The following PTP4A1 variants were observed in gnomAD, a reference collection of about 807,000 sequenced individuals.
PTP4A1 encodes the protein protein tyrosine phosphatase 4A1, also known as protein tyrosine phosphatase type IVA 1.
In PTP4A1, 9 loss-of-function variants were observed where a neutral mutation model predicts 20.5. The observed-to-expected ratio is 0.44, with a 90% confidence interval of 0.26 to 0.77. The LOEUF (loss-of-function observed/expected upper bound fraction) is 0.77. PTP4A1 is among the 30% of genes least tolerant of loss of function. The pLI, the probability that PTP4A1 is intolerant of heterozygous loss-of-function variation, is 0.19. For missense variants in PTP4A1, 137 were observed against 218.8 expected, an observed-to-expected ratio of 0.63 and a Z score of 2.36; for synonymous variants, 78 against 67.4, an observed-to-expected ratio of 1.16 and a Z score of -0.77.
At chr6:63,561,000 C>T (rs1183169877) in intron 3 of PTP4A1, among the ~76,000 whole-genome samples, 1 of 152,116 alleles carries the variant, frequency 6.6e-6, no homozygotes, top group East Asian at 1.9e-4. Flanking sequence ...AATATAAGCC[C>T]AAATGCCAGT....
At chr6:63,538,976 T>G (rs1360063819) in intron 2 of PTP4A1, among the ~76,000 whole-genome samples, 2 of 152,138 alleles carry the variant, frequency 1.3e-5, no homozygotes, top group African/African-American at 4.8e-5. Flanking sequence ...CACTGTAACC[T>G]CCTCCTCTTT....
Position 63,547,498 on chromosome 6 carries a change from A to AT in PTP4A1, c.-639-2777dup, listed in dbSNP as rs752223359. Among the ~76,000 whole-genome samples the AT allele has an allele frequency of 4.2e-3, 382 of 90,798 alleles. 1 individual carries two copies. Among genetic ancestry groups the AT allele is most frequent in the Middle Eastern group, 0.011 (1 of 88 alleles). 59.6% of individuals were successfully genotyped at this position (90,798 alleles called of 152,430 possible). ...TGCCACCTCGCCCGGCCAGGGGGGA[A>AT]TTTTTTTTTTTTTTTTTTTTTTTTT... On this transcript the variant is annotated intron_variant, in intron 2 of 3. Transcript: ENST00000639568.
chr6:63,567,034 A>G (rs1397558342), intron 3 of PTP4A1, among the ~76,000 whole-genome samples: 1 of 151,996 alleles, frequency 6.6e-6, no homozygotes, highest in Non-Finnish European at 1.5e-5. Flanking sequence ...GATTTAGTCA[A>G]CTCTTCAGAC....
chr6:63,526,803 G>GTGTATATATATA (rs1324842070), intron 1 of PTP4A1, among the ~76,000 whole-genome samples: 1 of 101,448 alleles, frequency 9.9e-6, no homozygotes, highest in African/African-American at 4.4e-5. Flanking sequence ...TCTCAAAAAT[G>GTGTATATATATA]TATATATATA....
intron 2 of PTP4A1, among the ~76,000 whole-genome samples, chr6:63,534,765 T>A (rs565704830): frequency 6.7e-4 from 100 of 148,704 alleles, no homozygotes; most frequent in African/African-American, 2.5e-3. Flanking sequence ...CTGGCCAACA[T>A]GGTAAAATTT....
At chr6:63,553,978 T>C (rs894720068) in intron 3 of PTP4A1, among the ~76,000 whole-genome samples, 6 of 152,170 alleles carry the variant, frequency 3.9e-5, no homozygotes, top group Non-Finnish European at 2.9e-5. Flanking sequence ...TTAAGAGGCT[T>C]ATAACCACAC....
intron 3 of PTP4A1, chr6:63,550,543 C>T (rs1343298064): frequency 1.3e-5 from 2 of 152,136 alleles, no homozygotes; most frequent in African/African-American, 2.4e-5. Context: ...AAGAGCTCCT[C>T]GAGCCTTGGT....
upstream of PTP4A1, among the ~76,000 whole-genome samples, chr6:63,519,678 G>A (rs1011435472): frequency 4.6e-5 from 7 of 152,166 alleles, no homozygotes; most frequent in African/African-American, 1.7e-4. Flanking sequence ...ATGAAATACA[G>A]GTCAGTCTAC....
chr6:63,579,280 C>G lies in PTP4A1; in HGVS notation c.353C>G (p.Ala118Gly). 6.2e-7 allele frequency: 1 copy of G among 1,611,216 alleles called. No individual in the cohort carries two copies. The highest frequency in any genetic ancestry group is 8.5e-7 in the Non-Finnish European group (1 of 1,178,530). The change falls in exon 5 of 6, where the codon GCA becomes GGA. Residue 118 changes from alanine to glycine, a missense_variant. Transcript: ENST00000626021. ...AGAGCTCCAGTACTTGTTGCCCTAG[C>G]ATTAATTGAAGGTGGAATGAAATAC... Reference protein sequence around the residue: ...LGRAPVLVALALIEGGMKYED... With the variant: ...LGRAPVLVALGLIEGGMKYED...
At chr6:63,579,365 C>G in intron 5 of PTP4A1, 34 bp downstream of exon 5, 1 of 1,487,820 alleles carries the variant, frequency 6.7e-7, no homozygotes, top group Non-Finnish European at 9.2e-7. Context: ...TTTGTACTCT[C>G]TTTCATTTCC....
At chr6:63,520,322 G>A (rs947125533), upstream of PTP4A1, among the ~76,000 whole-genome samples, 1 of 152,090 alleles carries the variant, frequency 6.6e-6, no homozygotes, top group Non-Finnish European at 1.5e-5. Flanking sequence ...AGGAAAAATA[G>A]TAAAACACTA....
At chr6:63,579,217 A>G (rs771068672) in intron 4 of PTP4A1, 40 bp from the exon 5 acceptor site, 66 of 1,560,802 alleles carry the variant, frequency 4.2e-5, no homozygotes, top group Admixed American at 7.3e-5. Flanking sequence ...CAAAGATCTG[A>G]TTTTGAAAAA....
chr6:63,537,904 G>A lies in PTP4A1; in HGVS notation c.-640+9820G>A, dbSNP rs1581917962. On this transcript the variant is annotated intron_variant, in intron 2 of 3. Coordinates refer to the PTP4A1 transcript ENST00000639568. ...GAAGTTGGGGAGAATCCTACCAATGGAATACAGGCAGGCCCAGACAGGAGT... is the reference window on the plus strand; with the variant it reads ...GAAGTTGGGGAGAATCCTACCAATGAAATACAGGCAGGCCCAGACAGGAGT... Among the ~76,000 whole-genome samples, 3 of 152,322 alleles carry A rather than the reference G, an allele frequency of 2.0e-5. No individual in the cohort carries two copies. The South Asian group carries it at 6.2e-4, about 32-fold the overall frequency.
intron 3 of PTP4A1, 125 bp from the exon 4 acceptor site, chr6:63,578,773 A>G (rs1167596768): frequency 2.6e-6 from 3 of 1,165,702 alleles, no homozygotes; most frequent in Non-Finnish European, 3.4e-6. Flanking sequence ...AACAGGGTTT[A>G]ATAAGATTTG....
chr6:63,526,833 A>ATATATATATT (rs1486980690), intron 1 of PTP4A1, among the ~76,000 whole-genome samples: 156 of 127,986 alleles, frequency 1.2e-3, no homozygotes, highest in African/African-American at 1.6e-3. Flanking sequence ...ATATATATAT[A>ATATATATATT]TATTTATTTA....
chr6:63,558,055 A>G (rs140957832), intron 3 of PTP4A1, among the ~76,000 whole-genome samples: 2,093 of 152,050 alleles, frequency 0.014, 47 homozygotes, highest in African/African-American at 0.048. Flanking sequence ...TATTTTTAGT[A>G]GAGACGGGGT....
chr6:63,542,022 G>GGTGTGTGTGTGT (rs72091849), intron 2 of PTP4A1, among the ~76,000 whole-genome samples: 221 of 146,832 alleles, frequency 1.5e-3, no homozygotes, highest in African/African-American at 5.0e-3. Context: ...AAGAAACTGT[G>GGTGTGTGTGTGT]GTGTGTGTGT....
At chr6:63,533,218 C>T (rs953240668) in intron 2 of PTP4A1, among the ~76,000 whole-genome samples, 1 of 152,192 alleles carries the variant, frequency 6.6e-6, no homozygotes, top group Non-Finnish European at 1.5e-5. Context: ...CTGGTATCTA[C>T]TAAAAATACA....
At chr6:63,532,480 G>C (rs1775514479) in intron 2 of PTP4A1, among the ~76,000 whole-genome samples, 1 of 152,076 alleles carries the variant, frequency 6.6e-6, no homozygotes, top group African/African-American at 2.4e-5. Context: ...TGGATGGTAG[G>C]ACTATTTCTG....
Sources: allele counts gnomAD v4.1 joint callset (sites outside exome capture counted in the v4.1 genomes callset), GRCh38; gene constraint gnomAD v4.1.1; transcripts MANE v1.5; gene names NCBI Gene and HGNC (gene_info 2026-07-23, HGNC 2026-07-21).